Variants in SLC43A3 observed in about 807,000 individuals in gnomAD.
The protein encoded by SLC43A3 is solute carrier family 43 member 3, also known as equilibrative nucleobase transporter 1.
In SLC43A3, 33 loss-of-function variants were observed where a neutral mutation model predicts 53.3. The ratio of observed to expected loss-of-function variants is 0.62; its 90% CI spans 0.47 to 0.83. SLC43A3 has a LOEUF of 0.83. SLC43A3 is among the 40% of genes least tolerant of loss of function. The pLI is 0.00. For synonymous variants in SLC43A3, 236 were observed against 246.2 expected (o/e 0.96, Z 0.39); for missense variants, 530 against 610.0 (o/e 0.87, Z 1.38).
At chr11:57,417,229 T>C (rs1232141760) in intron 8 of SLC43A3, among the ~76,000 whole-genome samples, 1 of 152,226 alleles carries the variant, frequency 6.6e-6, no homozygotes, top group Non-Finnish European at 1.5e-5. Context: ...CCCCATGCCC[T>C]GAATCTGGGC....
chr11:57,410,947 T>C (rs954326917), intron 11 of SLC43A3, among the ~76,000 whole-genome samples: 3 of 152,196 alleles, frequency 2.0e-5, no homozygotes, highest in Non-Finnish European at 4.4e-5. Flanking sequence ...GCCTTTCACC[T>C]CCTGCCATGA....
Position 57,409,918 on chromosome 11 carries a change from G to A in SLC43A3, c.1247+17C>T, listed in dbSNP as rs372283099. The A allele has an allele frequency of 1.5e-4, 246 of 1,594,752 alleles. No individual in the cohort carries two copies. In the African/African-American group the frequency reaches 2.7e-3, roughly 18 times the overall value. On this transcript the variant is annotated intron_variant, in intron 12 of 13. Transcript: ENST00000395124. Reference sequence around the variant, plus strand: ...CAGTGTGTCCGTCTCCACAGAGCCCGCCCCAAGGCCACTTACGCAAGGGTG... The same window carrying A: ...CAGTGTGTCCGTCTCCACAGAGCCCACCCCAAGGCCACTTACGCAAGGGTG...
At chr11:57,424,155 G>T in intron 4 of SLC43A3, 127 bp from the exon 5 acceptor site, 1 of 872,174 alleles carries the variant, frequency 1.1e-6, no homozygotes, top group Non-Finnish European at 1.9e-6. Flanking sequence ...GGATGCAACG[G>T]GCACTGATGC....
At chr11:57,425,862 G>T in intron 3 of SLC43A3, 127 bp downstream of exon 3, 1 of 1,332,884 alleles carries the variant, frequency 7.5e-7, no homozygotes, top group Non-Finnish European at 1.0e-6. Context: ...ATCAAGTGGG[G>T]TGAGAGCTGC....
chr11:57,417,329 T>C (rs1390856871), intron 8 of SLC43A3, among the ~76,000 whole-genome samples: 1 of 152,242 alleles, frequency 6.6e-6, no homozygotes, highest in Non-Finnish European at 1.5e-5. Context: ...TGTGCATTTC[T>C]GCACTCTTTC....
In SLC43A3 at chr11:57,416,574, T is replaced by C; in HGVS notation, c.768A>G (p.Glu256=). 5 of 1,613,400 alleles carry C rather than the reference T, an allele frequency of 3.1e-6. No individual in the cohort carries two copies. The highest frequency in any genetic ancestry group is 4.2e-6 in the Non-Finnish European group (5 of 1,179,408). The change falls in exon 9 of 14, where the codon GAA becomes GAG. Residue 256 remains glutamate (E), a splice_region_variant and synonymous_variant. Coordinates refer to ENST00000395124, the MANE Select transcript of SLC43A3 (RefSeq NM_199329.3). ...LQSKEFLSAK[E]ETPGAGQKQE... is the part of the protein sequence containing the mutation. ...GATGGGTTAGCCAGCAGGGCTCACC[T>C]TCCTTCGCTGAAAGGAACTCCTTTG...
At position 57,417,151 on chromosome 11, in the gene SLC43A3, CA is replaced by C. The variant is rs1344324059; in HGVS notation, c.672-482del. On this transcript the variant is annotated intron_variant, in intron 8 of 13. Coordinates refer to ENST00000395124, the MANE Select transcript of SLC43A3 (RefSeq NM_199329.3). ...CTCTACTCCTTGTGGCAAATGACTGCAAAAATGATCACATTTCTTCACCTCC... is the reference window on the plus strand; with the variant it reads ...CTCTACTCCTTGTGGCAAATGACTGCAAAATGATCACATTTCTTCACCTCC... Among the ~76,000 whole-genome samples, 5 of 152,306 alleles carry C rather than the reference CA, an allele frequency of 3.3e-5. No individual in the cohort carries two copies. In the South Asian group the frequency reaches 1.0e-3, roughly 32 times the overall value.
rs201262142 is a variant in SLC43A3 at position 57,416,650 on chromosome 11, G to C, written c.692C>G (p.Thr231Ser). The change falls in exon 9 of 14, where the codon ACC becomes AGC. Residue 231 changes from threonine to serine, a missense_variant. This residue lies in a region of SLC43A3 where 376 missense variants were observed against 386.7 expected (regional missense o/e 0.97). Transcript: ENST00000395124. ...AGCTGTTTCCTTCTCTTCCTTTGTGGTGCCATTCCCAGGGCACAGGCTATG... is the reference window on the plus strand; with the variant it reads ...AGCTGTTTCCTTCTCTTCCTTTGTGCTGCCATTCCCAGGGCACAGGCTATG... Reference protein sequence around the residue: ...YSYGLCPGNGTTKEEKETAEH... With the variant: ...YSYGLCPGNGSTKEEKETAEH... The C allele has an allele frequency of 7.4e-6, 12 of 1,613,898 alleles. No homozygotes were observed. Among genetic ancestry groups the C allele is most frequent in the Non-Finnish European group, 1.0e-5 (12 of 1,179,986 alleles).
chr11:57,413,434 G>A (rs1159308739), intron 11 of SLC43A3, among the ~76,000 whole-genome samples: 1 of 152,178 alleles, frequency 6.6e-6, no homozygotes, highest in African/African-American at 2.4e-5. Flanking sequence ...TGATTTTATG[G>A]TGATGTTTAA....
Position 57,423,925 on chromosome 11 carries a change from C to A in SLC43A3, c.361+57G>T, listed in dbSNP as rs1375676999. On this transcript the variant is annotated intron_variant, in intron 5 of 13. Transcript: ENST00000395124. ...CCTATAGCCCTCTGCTCACACCTGC[C>A]CCAGCCACCAGGTGCCTCTGAGCTT... The A allele has an allele frequency of 3.9e-6, 6 of 1,538,338 alleles. No homozygotes were observed. In the Admixed American group the frequency reaches 1.0e-4, roughly 26 times the overall value.
chr11:57,410,175 C>T, intron 11 of SLC43A3, 54 bp from the exon 12 acceptor site: 4 of 1,405,082 alleles, frequency 2.8e-6, no homozygotes, highest in Non-Finnish European at 2.9e-6. Context: ...CAACAGAAGT[C>T]AGCGAAGGGC....
rs375168065 is a variant in SLC43A3 at position 57,407,600 on chromosome 11, A to T, written c.*192T>A. ...CATGCCTTTGCTTTGAGTCTGTGTG[A>T]TATCAATCTGCTTGGCAACTGAGAT... is the stretch of plus-strand genomic sequence containing the variant. On this transcript the variant is annotated 3_prime_UTR_variant, in exon 14 of 14. Coordinates refer to ENST00000395124, the MANE Select transcript of SLC43A3 (RefSeq NM_199329.3). 2 of 561,444 alleles carry T rather than the reference A, an allele frequency of 3.6e-6. No individual in the cohort carries two copies. The highest frequency in any genetic ancestry group is 2.2e-5 in the South Asian group (1 of 46,354). The allele number at this position is 561,444 out of a possible 1,614,324, so 34.8% of individuals were successfully genotyped here. A position where few individuals can be genotyped will look rare whatever the true frequency, so the allele number is the denominator to read the frequency against.
rs1943194654 is a variant in SLC43A3, at chr11:57,426,239, C to A, written c.-67G>T. 1.3e-6 allele frequency: 2 copies of A among 1,509,352 alleles called. No homozygotes were observed. The highest frequency in any genetic ancestry group is 1.4e-5 in the African/African-American group (1 of 72,194). 93.5% of individuals were successfully genotyped at this position (1,509,352 alleles called of 1,614,324 possible). A position where few individuals can be genotyped will look rare whatever the true frequency, so the allele number is the denominator to read the frequency against. On this transcript the variant is annotated 5_prime_UTR_variant, in exon 3 of 14. Transcript: ENST00000395124. ...CTGGACGGATCACAGGCGCCGTAAGCCTGGCGTTTGAGCACTTGGAAAATT... is the reference window on the plus strand; with the variant it reads ...CTGGACGGATCACAGGCGCCGTAAGACTGGCGTTTGAGCACTTGGAAAATT...
chr11:57,417,976 G>A (rs1590696638), intron 7 of SLC43A3, 89 bp from the exon 8 acceptor site: 11 of 1,216,962 alleles, frequency 9.0e-6, no homozygotes, highest in Middle Eastern at 1.9e-4. Context: ...CAAACTAAGG[G>A]TCCATCAGCA....
chr11:57,414,837 C>A lies in SLC43A3; in HGVS notation c.943+96G>T, dbSNP rs568076985. ...GTCTGCATGTCCCTCCTCCCCACACCATCAGACCCTCCTCTGGTGTGTACA... is the reference window on the plus strand; with the variant it reads ...GTCTGCATGTCCCTCCTCCCCACACAATCAGACCCTCCTCTGGTGTGTACA... On this transcript the variant is annotated intron_variant, in intron 10 of 13. Coordinates refer to ENST00000395124, the MANE Select transcript of SLC43A3 (RefSeq NM_199329.3). The A allele has an allele frequency of 2.9e-5, 44 of 1,542,250 alleles. No individual in the cohort carries two copies. The South Asian group carries it at 4.3e-4, about 15-fold the overall frequency.
chr11:57,419,994 G>A (rs574667745), intron 7 of SLC43A3, among the ~76,000 whole-genome samples: 3 of 152,276 alleles, frequency 2.0e-5, no homozygotes, highest in African/African-American at 7.2e-5. Flanking sequence ...TGTCTGGGTG[G>A]TGACTGCCAG....
intron 10 of SLC43A3, 49 bp from the exon 11 acceptor site, chr11:57,414,780 C>G: frequency 6.4e-7 from 1 of 1,561,040 alleles, no homozygotes; most frequent in Non-Finnish European, 8.8e-7. Context: ...CCAAAACTCC[C>G]TTCCAGGCAG....
Position 57,415,003 on chromosome 11 carries a change from C to T in SLC43A3, c.873G>A (p.Leu291=). ...GAGTGCCAATGAAGAGGTAGTGCCACAACTGTATCACAGACAGCCACACCA... is the reference window on the plus strand; with the variant it reads ...GAGTGCCAATGAAGAGGTAGTGCCATAACTGTATCACAGACAGCCACACCA... The part of the protein sequence containing the change: ...WHLVWLSVIQ[L]WHYLFIGTLN... Residue 291 remains leucine (L), a synonymous_variant, in exon 10 of 14, where the codon TTG becomes TTA. Transcript: ENST00000395124. The T allele has an allele frequency of 6.2e-7, 1 of 1,614,128 alleles. No individual in the cohort carries two copies. The highest frequency in any genetic ancestry group is 8.5e-7 in the Non-Finnish European group (1 of 1,180,034).
In SLC43A3 at chr11:57,407,862, G is replaced by A. The variant is rs1457823143; in HGVS notation, c.1406C>T (p.Thr469Ile). The change falls in exon 14 of 14, where the codon ACA becomes ATA. Residue 469 changes from threonine to isoleucine, a missense_variant. Physicochemically the swap from Thr to Ile is moderately conservative, Grantham distance 89 (BLOSUM62 -1). Transcript: ENST00000395124. ...ATATACCAGAAAGGGGTGGAAGAAT[G>A]TCAGAAGAATGGCAAGCATGAACAT... ...NVMFMLAILL[T>I]FFHPFLVYRE... 2.5e-6 allele frequency: 4 copies of A among 1,613,574 alleles called. No homozygotes were observed. The highest frequency in any genetic ancestry group is 2.7e-5 in the African/African-American group (2 of 74,918).
Sources: allele counts gnomAD v4.1 joint callset (sites outside exome capture counted in the v4.1 genomes callset), GRCh38; gene constraint gnomAD v4.1.1; regional missense constraint gnomAD v4.1.1; transcripts MANE v1.5; gene names NCBI Gene and HGNC (gene_info 2026-07-23, HGNC 2026-07-21).